Variants in MBD5 observed in about 807,000 individuals in gnomAD.
MBD5 encodes methyl-CpG-binding domain protein 5.
A neutral mutation model predicts 117.3 loss-of-function variants in MBD5; 13 were observed. That is an observed-to-expected ratio of 0.11 (90% CI 0.07 to 0.18). The LOEUF (loss-of-function observed/expected upper bound fraction) is 0.18, where lower values mean the gene tolerates loss of function less well. MBD5 is among the 10% of genes least tolerant of loss of function. MBD5 has a pLI of 1.00. For missense variants in MBD5, 1,879 were observed against 2,093.8 expected, an observed-to-expected ratio of 0.90 and a Z score of 2.00; for synonymous variants, 727 against 766.4, an observed-to-expected ratio of 0.95 and a Z score of 0.85.
intron 4 of MBD5, among the ~76,000 whole-genome samples, chr2:148,444,610 G>A (rs189720935): frequency 8.6e-5 from 13 of 151,200 alleles, no homozygotes; most frequent in African/African-American, 2.5e-4. Flanking sequence ...GAGATCATTT[G>A]CAAAGATTAG....
At chr2:148,170,165 G>C (rs1026468603) in intron 1 of MBD5, among the ~76,000 whole-genome samples, 2 of 152,246 alleles carry the variant, frequency 1.3e-5, no homozygotes, top group East Asian at 3.9e-4. Flanking sequence ...CCAAAGTGCT[G>C]GGATTACAGG....
intron 2 of MBD5, among the ~76,000 whole-genome samples, chr2:148,182,817 C>A (rs906298825): frequency 4.6e-5 from 7 of 152,070 alleles, no homozygotes; most frequent in Non-Finnish European, 7.4e-5. Flanking sequence ...AATACTGAGC[C>A]CACATTGACA....
At chr2:148,286,423 A>G (rs1194452280) in intron 3 of MBD5, among the ~76,000 whole-genome samples, 1 of 152,156 alleles carries the variant, frequency 6.6e-6, no homozygotes, top group Non-Finnish European at 1.5e-5. Context: ...ACTTACCCAC[A>G]TAACTTCTCA....
intron 7 of MBD5, among the ~76,000 whole-genome samples, chr2:148,464,439 G>GAGT (rs1287762095): frequency 6.6e-6 from 1 of 152,014 alleles, no homozygotes; most frequent in East Asian, 1.9e-4. Context: ...ATAGTTCATG[G>GAGT]AGTATCCTTC....
At chr2:148,339,103 A>G (rs1169649193) in intron 3 of MBD5, among the ~76,000 whole-genome samples, 1 of 152,094 alleles carries the variant, frequency 6.6e-6, no homozygotes, top group East Asian at 1.9e-4. Context: ...CCTCGTGCCT[A>G]TCAGGTCTCT....
At chr2:148,421,339 C>G (rs528112564) in intron 4 of MBD5, among the ~76,000 whole-genome samples, 5 of 152,126 alleles carry the variant, frequency 3.3e-5, no homozygotes, top group Non-Finnish European at 7.3e-5. Context: ...TATTTCCCTC[C>G]CCTAGCCAAG....
chr2:148,072,084 A>G (rs1695371515), intron 1 of MBD5: 1 of 152,158 alleles, frequency 6.6e-6, no homozygotes, highest in Non-Finnish European at 1.5e-5. Flanking sequence ...TTTGTATACT[A>G]GTGTTTATTC....
At chr2:148,482,062 GATAA>G (rs540561381) in intron 8 of MBD5, among the ~76,000 whole-genome samples, 4 of 152,112 alleles carry the variant, frequency 2.6e-5, no homozygotes, top group African/African-American at 7.2e-5. Flanking sequence ...CAAAAATAAT[GATAA>G]ATAGAGTATT....
At chr2:148,288,060 G>A (rs1302742174) in intron 3 of MBD5, among the ~76,000 whole-genome samples, 8 of 151,902 alleles carry the variant, frequency 5.3e-5, no homozygotes, top group Non-Finnish European at 1.0e-4. Context: ...ATGAAAGTGT[G>A]TGTTATGTTG....
In MBD5 at chr2:148,030,394, G is replaced by C. The variant is rs567824918; in HGVS notation, c.-925+8710G>C. 1.3e-4 allele frequency among the ~76,000 whole-genome samples: 20 copies of C among 152,172 alleles called. No homozygotes were observed. The South Asian group carries it at 3.7e-3, about 28-fold the overall frequency. ...ATGGAAAGATCTCTAAGATAAGCTA[G>C]GTTGAAAAGCACATCACAAAATAAT... On this transcript the variant is annotated intron_variant, in intron 1 of 13. Coordinates refer to ENST00000642680, the MANE Select transcript of MBD5 (RefSeq NM_001378120.1).
chr2:148,071,118 C>A (rs1695340664), intron 1 of MBD5: 1 of 152,070 alleles, frequency 6.6e-6, no homozygotes, highest in African/African-American at 2.4e-5. Context: ...TCCGAAAGTG[C>A]CGGAATTACA....
chr2:148,377,421 A>G (rs925553206), intron 4 of MBD5, among the ~76,000 whole-genome samples: 6 of 152,192 alleles, frequency 3.9e-5, no homozygotes, highest in African/African-American at 9.7e-5. Flanking sequence ...AATACTTTGC[A>G]TCCTTCAATC....
At chr2:148,206,954 G>A (rs781381403) in intron 2 of MBD5, among the ~76,000 whole-genome samples, 1 of 152,242 alleles carries the variant, frequency 6.6e-6, no homozygotes, top group South Asian at 2.1e-4. Flanking sequence ...TCAGCTGCTT[G>A]CTGTTTGCAA....
chr2:148,502,582 G>A, intron 12 of MBD5, 73 bp downstream of exon 12: 1 of 1,403,270 alleles, frequency 7.1e-7, no homozygotes, highest in South Asian at 1.2e-5. Context: ...AAGGGACAAT[G>A]AAATCTCACT....
chr2:148,083,132 A>T (rs941355397), intron 1 of MBD5, among the ~76,000 whole-genome samples: 2 of 152,248 alleles, frequency 1.3e-5, no homozygotes, highest in Non-Finnish European at 2.9e-5. Flanking sequence ...TCAAAAGCTG[A>T]ATGTCTAAAA....
chr2:148,225,216 T>C (rs1013351185), intron 2 of MBD5, among the ~76,000 whole-genome samples: 9 of 152,102 alleles, frequency 5.9e-5, no homozygotes, highest in African/African-American at 1.9e-4. Context: ...TAGTTGTATG[T>C]TTTTTTGGTT....
chr2:148,153,071 C>T (rs1430518675), intron 1 of MBD5, among the ~76,000 whole-genome samples: 3 of 151,882 alleles, frequency 2.0e-5, no homozygotes, highest in Non-Finnish European at 4.4e-5. Context: ...TTTGCAGCGG[C>T]TGGTACCGAT....
chr2:148,248,879 T>C (rs1470019411), intron 3 of MBD5, among the ~76,000 whole-genome samples: 1 of 151,894 alleles, frequency 6.6e-6, no homozygotes, highest in African/African-American at 2.4e-5. Context: ...ATTAGGTATA[T>C]AAAAAAGAGG....
In MBD5 at chr2:148,323,545, G is replaced by A. The variant is rs1367476482; in HGVS notation, c.-679-18669G>A. ...TTTTTAATGATCGCCATTCTAACTG[G>A]TGTGAGATGGTATCTCACTGTGGTT... On this transcript the variant is annotated intron_variant, in intron 3 of 13. Transcript: ENST00000642680. Among the ~76,000 whole-genome samples, 580 of 152,182 alleles carry A rather than the reference G, an allele frequency of 3.8e-3. 1 individual carries two copies. The highest frequency in any genetic ancestry group is 5.9e-3 in the Non-Finnish European group (399 of 67,994).
Sources: allele counts gnomAD v4.1 joint callset (sites outside exome capture counted in the v4.1 genomes callset), GRCh38; gene constraint gnomAD v4.1.1; transcripts MANE v1.5; gene names NCBI Gene and HGNC (gene_info 2026-07-23, HGNC 2026-07-21).